The following CNTNAP2 variants were observed in gnomAD, a reference collection of about 807,000 sequenced individuals.
CNTNAP2 encodes contactin-associated protein-like 2.
Under a neutral mutation model 155.2 loss-of-function variants are expected in CNTNAP2, and 98 were observed. The ratio of observed to expected loss-of-function variants is 0.63; its 90% confidence interval spans 0.54 to 0.75. The LOEUF (loss-of-function observed/expected upper bound fraction) is 0.75, where lower values mean the gene tolerates loss of function less well. CNTNAP2 is among the 30% of genes least tolerant of loss of function. CNTNAP2 has a pLI of 0.00. For synonymous variants in CNTNAP2, 651 were observed against 631.2 expected (o/e 1.03, Z -0.47); for missense variants, 1,727 against 1,688.1 (o/e 1.02, Z -0.40).
At chr7:146,770,235 A>G (rs569797302) in intron 1 of CNTNAP2, among the ~76,000 whole-genome samples, 21 of 152,024 alleles carry the variant, frequency 1.4e-4, no homozygotes, top group Non-Finnish European at 2.9e-4. Context: ...GGAATATGCC[A>G]TATCTTTGTA....
chr7:146,150,783 T>A (rs550159991), intron 1 of CNTNAP2, among the ~76,000 whole-genome samples: 1 of 152,016 alleles, frequency 6.6e-6, no homozygotes, highest in Non-Finnish European at 1.5e-5. Context: ...GTGGAATGAG[T>A]CAATAATGCT....
Position 147,840,901 on chromosome 7 carries a change from A to C in CNTNAP2, c.2099-62664A>C, listed in dbSNP as rs542557616. On this transcript the variant is annotated intron_variant, in intron 13 of 23. Coordinates refer to ENST00000361727, the MANE Select transcript of CNTNAP2 (RefSeq NM_014141.6). ...ATTAGCCCTCATGACTTTATGAAAA[A>C]AAAAATCAAACCCTTGAACTCAGAA... Among the ~76,000 whole-genome samples, 315 of 152,256 alleles carry C rather than the reference A, an allele frequency of 2.1e-3. 4 individuals carry two copies. The highest frequency in any genetic ancestry group is 7.4e-3 in the African/African-American group (308 of 41,548).
At chr7:148,313,760 G>C (rs561431340) in intron 21 of CNTNAP2, among the ~76,000 whole-genome samples, 2 of 152,114 alleles carry the variant, frequency 1.3e-5, no homozygotes, top group Non-Finnish European at 2.9e-5. Context: ...ATTTAATGTC[G>C]GGAGCAGATT....
chr7:147,669,166 T>C lies in CNTNAP2; in HGVS notation c.2098+29860T>C, dbSNP rs562441110. The stretch of plus-strand genomic sequence containing the variant: ...GTTTAAGTACATTCTATGATGTCCA[T>C]ACAAAGATGAAATTACCTAATGATG... On this transcript the variant is annotated intron_variant, in intron 13 of 23. Coordinates refer to ENST00000361727, the MANE Select transcript of CNTNAP2 (RefSeq NM_014141.6). Among the ~76,000 whole-genome samples the C allele has an allele frequency of 5.9e-5, 9 of 152,248 alleles. No homozygotes were observed. In the East Asian group the frequency reaches 1.7e-3, roughly 29 times the overall value.
At chr7:146,883,268 C>A (rs2129209784) in intron 3 of CNTNAP2, among the ~76,000 whole-genome samples, 1 of 151,888 alleles carries the variant, frequency 6.6e-6, no homozygotes, top group East Asian at 1.9e-4. Flanking sequence ...CACAATATTC[C>A]CTATAAAGGT....
At chr7:147,432,461 C>T (rs542199624) in intron 10 of CNTNAP2, among the ~76,000 whole-genome samples, 2 of 152,254 alleles carry the variant, frequency 1.3e-5, no homozygotes, top group South Asian at 4.1e-4. Context: ...GTTGTATGCC[C>T]AAAGTGTATG....
intron 19 of CNTNAP2, among the ~76,000 whole-genome samples, chr7:148,226,887 T>C (rs1482442099): frequency 6.6e-6 from 1 of 152,192 alleles, no homozygotes; most frequent in Non-Finnish European, 1.5e-5. Flanking sequence ...TAAAACTTTT[T>C]AATAAACTTT....
At chr7:146,886,318 C>T (rs569841924) in intron 3 of CNTNAP2, among the ~76,000 whole-genome samples, 36 of 150,012 alleles carry the variant, frequency 2.4e-4, no homozygotes, top group African/African-American at 8.5e-4. Context: ...AAGATAGCAC[C>T]AATCTCACTT....
intron 21 of CNTNAP2, among the ~76,000 whole-genome samples, chr7:148,349,692 CGCCAG>C (rs1024236201): frequency 2.0e-5 from 3 of 152,060 alleles, no homozygotes; most frequent in African/African-American, 7.2e-5. Flanking sequence ...TGAGCCACCG[CGCCAG>C]GCCAAAATCT....
chr7:147,866,815 A>G (rs569410183), intron 13 of CNTNAP2, among the ~76,000 whole-genome samples: 3 of 150,248 alleles, frequency 2.0e-5, no homozygotes, highest in Non-Finnish European at 4.4e-5. Context: ...ATCTTCCTCC[A>G]TCCCTTTATT....
intron 1 of CNTNAP2, among the ~76,000 whole-genome samples, chr7:146,587,046 T>A (rs1047040530): frequency 2.0e-5 from 3 of 146,942 alleles, no homozygotes; most frequent in Non-Finnish European, 4.5e-5. Flanking sequence ...TTTTTTTTTT[T>A]AACAAACTCA....
At chr7:147,470,533 C>G (rs1798199572) in intron 10 of CNTNAP2, among the ~76,000 whole-genome samples, 1 of 151,714 alleles carries the variant, frequency 6.6e-6, no homozygotes. Context: ...ATGATAGTGT[C>G]TTGGATTAGG....
chr7:148,210,929 TTG>T (rs1288667021), intron 18 of CNTNAP2, among the ~76,000 whole-genome samples: 1 of 152,180 alleles, frequency 6.6e-6, no homozygotes, highest in Non-Finnish European at 1.5e-5. Flanking sequence ...GAAAAACTGG[TTG>T]TGTTTCAGCA....
chr7:146,777,691 G>A (rs1173641220), intron 2 of CNTNAP2, among the ~76,000 whole-genome samples: 1 of 151,910 alleles, frequency 6.6e-6, no homozygotes, highest in African/African-American at 2.4e-5. Context: ...AGCCACACAA[G>A]TAGCTGGGAT....
chr7:146,528,317 T>C (rs1203830127), intron 1 of CNTNAP2, among the ~76,000 whole-genome samples: 1 of 152,214 alleles, frequency 6.6e-6, no homozygotes, highest in East Asian at 1.9e-4. Flanking sequence ...ATTCCTGTTC[T>C]GTGCACTGTT....
At chr7:148,044,034 C>T (rs776641679) in intron 15 of CNTNAP2, among the ~76,000 whole-genome samples, 5 of 152,190 alleles carry the variant, frequency 3.3e-5, no homozygotes, top group Non-Finnish European at 7.4e-5. Flanking sequence ...GAGCTTGTAA[C>T]AGACATAAAA....
chr7:147,632,543 G>A (rs979108247), intron 12 of CNTNAP2, among the ~76,000 whole-genome samples: 2 of 152,154 alleles, frequency 1.3e-5, no homozygotes, highest in African/African-American at 4.8e-5. Context: ...TAAGTTTCCT[G>A]ATGCCTCCTC....
chr7:147,425,077 A>G (rs1797355797), intron 10 of CNTNAP2, among the ~76,000 whole-genome samples: 1 of 151,922 alleles, frequency 6.6e-6, no homozygotes, highest in Admixed American at 6.6e-5. Flanking sequence ...ATACATTTCA[A>G]TGAGATGTTT....
intron 14 of CNTNAP2, among the ~76,000 whole-genome samples, chr7:147,962,254 G>A (rs918312144): frequency 1.3e-5 from 2 of 152,186 alleles, no homozygotes; most frequent in Non-Finnish European, 2.9e-5. Flanking sequence ...AAGTCAGTTT[G>A]CAGATACAAG....
Sources: allele counts gnomAD v4.1 joint callset (sites outside exome capture counted in the v4.1 genomes callset), GRCh38; gene constraint gnomAD v4.1.1; transcripts MANE v1.5; gene names NCBI Gene and HGNC (gene_info 2026-07-23, HGNC 2026-07-21).